The following DCC variants were observed in gnomAD, a reference collection of about 807,000 sequenced individuals.
DCC encodes the protein DCC netrin 1 receptor, also known as netrin receptor DCC.
DCC carries 58 observed loss-of-function variants against 172.5 expected under a neutral mutation model. The ratio of observed to expected loss-of-function variants is 0.34; its 90% confidence interval spans 0.27 to 0.42. The LOEUF is 0.42. Ranked by LOEUF, DCC falls within the 10% of genes least tolerant of loss-of-function variation. The pLI is 1.00. For synonymous variants in DCC, 709 were observed against 644.5 expected (o/e 1.10, Z -1.52); for missense variants, 1,740 against 1,791.0 (o/e 0.97, Z 0.51).
intron 15 of DCC, among the ~76,000 whole-genome samples, chr18:53,372,397 T>C (rs2058068191): frequency 6.6e-6 from 1 of 152,000 alleles, no homozygotes; most frequent in African/African-American, 2.4e-5. Flanking sequence ...TATAAGTGTT[T>C]GCTAAACAGT....
chr18:52,863,668 A>G (rs1209515870), intron 2 of DCC, among the ~76,000 whole-genome samples: 3 of 151,798 alleles, frequency 2.0e-5, no homozygotes, highest in Non-Finnish European at 2.9e-5. Flanking sequence ...TAAATATATT[A>G]TAAAACATAA....
chr18:52,564,121 G>A (rs2033101654), intron 1 of DCC, among the ~76,000 whole-genome samples: 1 of 152,108 alleles, frequency 6.6e-6, no homozygotes, highest in Admixed American at 6.6e-5. Context: ...CTTACTAATA[G>A]TATAGATTCT....
chr18:52,655,295 A>G (rs1191189499), intron 1 of DCC, among the ~76,000 whole-genome samples: 1 of 152,190 alleles, frequency 6.6e-6, no homozygotes, highest in South Asian at 2.1e-4. Flanking sequence ...AGGGTCAGGC[A>G]GTCTTAAGAG....
At chr18:53,025,279 T>C (rs1281697417) in intron 5 of DCC, among the ~76,000 whole-genome samples, 1 of 152,046 alleles carries the variant, frequency 6.6e-6, no homozygotes, top group African/African-American at 2.4e-5. Flanking sequence ...TCGAAAAGAT[T>C]TGGTAGGAAT....
intron 7 of DCC, among the ~76,000 whole-genome samples, chr18:53,150,253 G>C (rs966850426): frequency 6.6e-6 from 1 of 152,154 alleles, no homozygotes; most frequent in Non-Finnish European, 1.5e-5. Flanking sequence ...TAATAATAAT[G>C]AACATAACTA....
chr18:52,465,221 A>T (rs529472045), intron 1 of DCC, among the ~76,000 whole-genome samples: 2 of 152,242 alleles, frequency 1.3e-5, no homozygotes, highest in South Asian at 2.1e-4. Flanking sequence ...AAGTACTAGA[A>T]ATTGCTAAAT....
At chr18:52,546,943 T>C (rs919500983) in intron 1 of DCC, among the ~76,000 whole-genome samples, 1 of 152,056 alleles carries the variant, frequency 6.6e-6, no homozygotes, top group Non-Finnish European at 1.5e-5. Context: ...GGGCAGCTAA[T>C]AGAGATATAC....
At chr18:52,890,531 T>A (rs2039633183) in intron 2 of DCC, among the ~76,000 whole-genome samples, 1 of 152,138 alleles carries the variant, frequency 6.6e-6, no homozygotes, top group Non-Finnish European at 1.5e-5. Flanking sequence ...ATTCCCAGAT[T>A]TAAGCTTAAA....
chr18:52,424,624 G>C (rs1017006697), intron 1 of DCC, among the ~76,000 whole-genome samples: 21 of 152,120 alleles, frequency 1.4e-4, no homozygotes, highest in Admixed American at 1.4e-3. Context: ...TTCTAATCCA[G>C]CCCTCCAACT....
At chr18:52,762,724 T>C (rs2037183848) in intron 2 of DCC, among the ~76,000 whole-genome samples, 1 of 151,946 alleles carries the variant, frequency 6.6e-6, no homozygotes, top group Admixed American at 6.6e-5. Context: ...CTTAGGAGGC[T>C]GAAGTGGGAG....
intron 5 of DCC, among the ~76,000 whole-genome samples, chr18:53,040,536 T>A (rs2042155508): frequency 6.6e-6 from 1 of 151,998 alleles, no homozygotes. Context: ...CAAGCAAGTC[T>A]GTTGTCAGCT....
At chr18:53,320,599 G>C (rs8098084) in intron 13 of DCC, among the ~76,000 whole-genome samples, 24,990 of 152,022 alleles carry the variant, frequency 0.16, 2,583 homozygotes, top group African/African-American at 0.28. Flanking sequence ...ACAAATCAAA[G>C]TGAGCACGAG....
At chr18:53,165,212 A>T (rs2144421071) in intron 8 of DCC, among the ~76,000 whole-genome samples, 1 of 152,294 alleles carries the variant, frequency 6.6e-6, no homozygotes, top group South Asian at 2.1e-4. Flanking sequence ...TCAAGGTCAC[A>T]CACTGTTTTG....
At chr18:52,635,257 T>A (rs1021750725) in intron 1 of DCC, among the ~76,000 whole-genome samples, 1 of 152,236 alleles carries the variant, frequency 6.6e-6, no homozygotes, top group Non-Finnish European at 1.5e-5. Flanking sequence ...CAAATATTGC[T>A]TTCCATAGCT....
intron 12 of DCC, among the ~76,000 whole-genome samples, chr18:53,280,126 G>A (rs895038982): frequency 6.6e-6 from 1 of 152,114 alleles, no homozygotes; most frequent in Non-Finnish European, 1.5e-5. Context: ...TTCTGTTGAA[G>A]CCTATGGGCT....
At chr18:53,003,231 A>G (rs2041593797) in intron 5 of DCC, among the ~76,000 whole-genome samples, 1 of 152,174 alleles carries the variant, frequency 6.6e-6, no homozygotes, top group Non-Finnish European at 1.5e-5. Flanking sequence ...ACTAATTAGA[A>G]GGCTGCAAGA....
intron 7 of DCC, among the ~76,000 whole-genome samples, chr18:53,069,957 T>C (rs2042630542): frequency 6.6e-6 from 1 of 151,972 alleles, no homozygotes; most frequent in African/African-American, 2.4e-5. Context: ...TCTGTTTGTT[T>C]TGTTTTTGAA....
At chr18:53,331,702 T>C (rs1002745418) in intron 14 of DCC, among the ~76,000 whole-genome samples, 1 of 152,192 alleles carries the variant, frequency 6.6e-6, no homozygotes, top group Non-Finnish European at 1.5e-5. Flanking sequence ...CTTAACTCCC[T>C]GGTGATTCTT....
intron 14 of DCC, among the ~76,000 whole-genome samples, chr18:53,330,618 G>A (rs561876847): frequency 6.6e-6 from 1 of 152,118 alleles, no homozygotes; most frequent in African/African-American, 2.4e-5. Context: ...TCTCCATGTG[G>A]TCCTTCCCTC....
Sources: allele counts gnomAD v4.1 joint callset (sites outside exome capture counted in the v4.1 genomes callset), GRCh38; gene constraint gnomAD v4.1.1; transcripts MANE v1.5; gene names NCBI Gene and HGNC (gene_info 2026-07-23, HGNC 2026-07-21).